The following CPNE6 variants were observed in gnomAD, a reference collection of about 807,000 sequenced individuals.
CPNE6 encodes copine-6.
CPNE6 carries 33 observed loss-of-function variants against 71.5 expected under a neutral mutation model. The observed-to-expected ratio is 0.46, with a 90% CI of 0.35 to 0.62. The LOEUF (loss-of-function observed/expected upper bound fraction) is 0.62, where lower values mean the gene tolerates loss of function less well. Ranked by LOEUF, CPNE6 falls within the 20% of genes least tolerant of loss-of-function variation. The pLI, the probability that CPNE6 is intolerant of heterozygous loss-of-function variation, is 0.00. For missense variants in CPNE6, 576 were observed against 747.3 expected (o/e 0.77, Z 2.67); for synonymous variants, 296 against 293.0 (o/e 1.01, Z -0.10).
At chr14:24,072,998 G>T (rs746048625) in exon 3 of CPNE6, 5 of 1,586,086 alleles carry the variant, frequency 3.2e-6, no homozygotes, top group African/African-American at 2.7e-5. Context: ...GGGGCCTCTC[G>T]GGTGGAGCTG....
Position 24,077,453 on chromosome 14 carries a change from C to G in CPNE6, c.1536+63C>G. 3 of 1,576,732 alleles carry G rather than the reference C, an allele frequency of 1.9e-6. No homozygotes were observed. The highest frequency in any genetic ancestry group is 2.6e-6 in the Non-Finnish European group (3 of 1,146,828). ...CAGCTTCTCATCCCCCCAAATCTGA[C>G]CTTCGTCTTCCACCATTTGATGTCC... On this transcript the variant is annotated intron_variant, in intron 16 of 17. Coordinates refer to ENST00000397016, the Ensembl canonical transcript of CPNE6. This position sits in a 1 kb window ranked among gnomAD's most constrained non-coding sequence, Gnocchi z 6.1.
At chr14:24,076,185 A>G in exon 12 of CPNE6, 1 of 1,614,006 alleles carries the variant, frequency 6.2e-7, no homozygotes, top group East Asian at 2.2e-5. Flanking sequence ...TGGGGACCCG[A>G]GGAGCAGCCA....
Position 24,073,344 on chromosome 14 carries a change from G to A in CPNE6, c.169-155G>A, listed in dbSNP as rs1052949774. ...GGACTGAGAGTCCAGTGGGCAGGCA[G>A]CACCCCAAGCTCAGGGATCAGCTTA... On this transcript the variant is annotated intron_variant, in intron 3 of 17. Coordinates refer to ENST00000397016, the Ensembl canonical transcript of CPNE6. The surrounding 1 kb of genome is among the most constrained non-coding windows in gnomAD (Gnocchi z 5.5). Among the ~76,000 whole-genome samples, 1 of 152,194 alleles carries A rather than the reference G, an allele frequency of 6.6e-6. No homozygotes were observed. The highest frequency in any genetic ancestry group is 1.5e-5 in the Non-Finnish European group (1 of 68,038).
Position 24,073,265 on chromosome 14 carries a change from G to C in CPNE6, c.168+161G>C. On this transcript the variant is annotated intron_variant, in intron 3 of 17. Coordinates refer to ENST00000397016, the Ensembl canonical transcript of CPNE6. This position sits in a 1 kb window ranked among gnomAD's most constrained non-coding sequence, Gnocchi z 5.5. ...TGGAGATGGTGTCCCAGAGGGTCCT[G>C]AGATTGACCCAGAGGCAGTGGGGTT... 1 of 932,366 alleles carries C rather than the reference G, an allele frequency of 1.1e-6. No individual in the cohort carries two copies. Among genetic ancestry groups the C allele is most frequent in the Non-Finnish European group, 1.5e-6 (1 of 661,594 alleles). The allele number at this position is 932,366 out of a possible 1,614,324, so 57.8% of individuals were successfully genotyped here.
At chr14:24,072,811 G>C in intron 2 of CPNE6, 122 bp from the exon 2 acceptor site, 1 of 895,030 alleles carries the variant, frequency 1.1e-6, no homozygotes, top group Non-Finnish European at 1.5e-6. Context: ...CAGGAGGTCC[G>C]TGAGGCCCCA....
chr14:24,074,619 G>C lies in CPNE6; in HGVS notation c.582+5G>C. 1 of 1,614,174 alleles carries C rather than the reference G, an allele frequency of 6.2e-7. No individual in the cohort carries two copies. Among genetic ancestry groups the C allele is most frequent in the East Asian group, 2.2e-5 (1 of 44,886 alleles). On this transcript the variant is annotated splice_donor_5th_base_variant and intron_variant, in intron 7 of 17. Transcript: ENST00000397016. This position sits in a 1 kb window ranked among gnomAD's most constrained non-coding sequence, Gnocchi z 4.5. ...CAGCTGGTCTGGAGAACTGAGGTTG[G>C]TGCCTGGGGCTATGGGGATGAAGGG...
Position 24,073,770 on chromosome 14 carries a change from C to A in CPNE6, c.348+92C>A. 7.3e-7 allele frequency: 1 copy of A among 1,368,504 alleles called. No individual in the cohort carries two copies. 84.8% of individuals were successfully genotyped at this position (1,368,504 alleles called of 1,614,324 possible). ...AAGAGAGAAAACATGAGCTCTAGAG[C>A]TAGTTCAACCCAGCCTTGGCTCCCA... On this transcript the variant is annotated intron_variant, in intron 4 of 17. Transcript: ENST00000397016. This position sits in a 1 kb window ranked among gnomAD's most constrained non-coding sequence, Gnocchi z 5.5.
chr14:24,077,852 G>A lies in CPNE6; in HGVS notation c.*38-36G>A. On this transcript the variant is annotated intron_variant, in intron 17 of 17. Transcript: ENST00000397016. The surrounding 1 kb of genome is among the most constrained non-coding windows in gnomAD (Gnocchi z 6.1). ...GCCCAACTAGGCTGGGTGTAGTGTA[G>A]AAGAGAGTGCTTATGACTCTCCCAC... The A allele has an allele frequency of 8.7e-7, 1 of 1,145,956 alleles. No individual in the cohort carries two copies. The highest frequency in any genetic ancestry group is 1.2e-6 in the Non-Finnish European group (1 of 854,490). The allele number at this position is 1,145,956 out of a possible 1,614,324, so 71.0% of individuals were successfully genotyped here.
Position 24,075,654 on chromosome 14 carries a change from C to A in CPNE6, c.864+63C>A. 6.9e-7 allele frequency: 1 copy of A among 1,448,850 alleles called. No individual in the cohort carries two copies. Among genetic ancestry groups the A allele is most frequent in the Non-Finnish European group, 9.6e-7 (1 of 1,046,548 alleles). 89.7% of individuals were successfully genotyped at this position (1,448,850 alleles called of 1,614,324 possible). On this transcript the variant is annotated intron_variant, in intron 10 of 17. Coordinates refer to ENST00000397016, the Ensembl canonical transcript of CPNE6. This position sits in a 1 kb window ranked among gnomAD's most constrained non-coding sequence, Gnocchi z 4.3. ...CCTGCCCCTACCACACTCTCAGGTTCAACCCTTCCCTTGTTTCAAAGACCA... is the reference window on the plus strand; with the variant it reads ...CCTGCCCCTACCACACTCTCAGGTTAAACCCTTCCCTTGTTTCAAAGACCA...
At chr14:24,072,807 G>A in intron 2 of CPNE6, 126 bp from the exon 2 acceptor site, 1 of 827,446 alleles carries the variant, frequency 1.2e-6, no homozygotes. Flanking sequence ...GAAGCAGGAG[G>A]TCCGTGAGGC....
intron 14 of CPNE6, 27 bp from the exon 14 acceptor site, chr14:24,076,852 A>G: frequency 2.5e-6 from 4 of 1,610,930 alleles, no homozygotes; most frequent in Non-Finnish European, 3.4e-6. Context: ...CATTTCTGCC[A>G]GCTTCACAAC....
chr14:24,074,484 C>T lies in CPNE6; in HGVS notation c.499-47C>T, dbSNP rs2035998338. On this transcript the variant is annotated intron_variant, in intron 6 of 17. Transcript: ENST00000397016. This position sits in a 1 kb window ranked among gnomAD's most constrained non-coding sequence, Gnocchi z 4.5. ...CAGTGGGAGCCCATCCCCCACCCTC[C>T]TTGCAGCTCTCACCAACCTCAAGGG... 6.3e-7 allele frequency: 1 copy of T among 1,598,628 alleles called. No individual in the cohort carries two copies. Among genetic ancestry groups the T allele is most frequent in the African/African-American group, 1.3e-5 (1 of 74,614 alleles).
At chr14:24,076,123 A>G in intron 11 of CPNE6, 26 bp from the exon 11 acceptor site, 1 of 1,608,806 alleles carries the variant, frequency 6.2e-7, no homozygotes, top group Non-Finnish European at 8.5e-7. Context: ...TGGTTGCAGC[A>G]TGACCTTCTT....
At position 24,074,425 on chromosome 14, in the gene CPNE6, G is replaced by A; in HGVS notation, c.498+60G>A. 1 of 1,567,250 alleles carries A rather than the reference G, an allele frequency of 6.4e-7. No individual in the cohort carries two copies. The highest frequency in any genetic ancestry group is 1.2e-5 in the South Asian group (1 of 84,638). On this transcript the variant is annotated intron_variant, in intron 6 of 17. Transcript: ENST00000397016. This position sits in a 1 kb window ranked among gnomAD's most constrained non-coding sequence, Gnocchi z 4.5. ...TGTCACTCCTAGGCCTCCCACTCAA[G>A]ACAGATCCCAGGAGCCCAGGCCTGC...
Position 24,077,241 on chromosome 14 carries a change from C to G in CPNE6, c.1387C>G (p.Pro463Ala). ...TGCTATCGTGCGTGCCTCCCGCCTG[C>G]CCATGTCCATCATCATCGTAGGCGT... Residue 463 changes from proline (P) to alanine (A), a missense_variant, in exon 16 of 18, where the codon CCC becomes GCC. Physicochemically the swap from Pro to Ala is conservative, Grantham distance 27. Coordinates refer to ENST00000397016, the Ensembl canonical transcript of CPNE6. This position sits in a 1 kb window ranked among gnomAD's most constrained non-coding sequence, Gnocchi z 6.1. 2 of 1,613,430 alleles carry G rather than the reference C, an allele frequency of 1.2e-6. No individual in the cohort carries two copies. Among genetic ancestry groups the G allele is most frequent in the Non-Finnish European group, 1.7e-6 (2 of 1,180,024 alleles).
intron 2 of CPNE6, 113 bp from the exon 2 acceptor site, chr14:24,072,820 C>G: frequency 1.0e-6 from 1 of 1,002,696 alleles, no homozygotes. Context: ...CGTGAGGCCC[C>G]AGGGTCTAGG....
exon 3 of CPNE6, chr14:24,072,994 T>C (rs771376741): frequency 1.3e-6 from 2 of 1,586,020 alleles, no homozygotes; most frequent in Non-Finnish European, 8.6e-7. Context: ...GCTGGGGGCC[T>C]CTCGGGTGGA....
In CPNE6 at chr14:24,074,054, G is replaced by A. The variant is rs1321010553; in HGVS notation, c.352G>A (p.Val118Met). 6.2e-7 allele frequency: 1 copy of A among 1,614,108 alleles called. No homozygotes were observed. Among genetic ancestry groups the A allele is most frequent in the Non-Finnish European group, 8.5e-7 (1 of 1,179,968 alleles). ...CTCCCTCCACCTCCATCCCCAGATT[G>A]TGTCACAAACCAAGGTCACTAAGCC... The change falls in exon 5 of 18, where the codon GTG (valine) becomes ATG (methionine). Residue 118 changes from valine to methionine, a missense_variant. Val to Met is a conservative substitution (Grantham distance 21). Coordinates refer to ENST00000397016, the Ensembl canonical transcript of CPNE6. This position sits in a 1 kb window ranked among gnomAD's most constrained non-coding sequence, Gnocchi z 4.5.
At position 24,075,709 on chromosome 14, in the gene CPNE6, C is replaced by G; in HGVS notation, c.864+118C>G. ...CTCTGCTTCTGGGAACTGGAAACCA[C>G]CCCCAACTGCAACCCAAAAAACTCT... On this transcript the variant is annotated intron_variant, in intron 10 of 17. Coordinates refer to ENST00000397016, the Ensembl canonical transcript of CPNE6. This position sits in a 1 kb window ranked among gnomAD's most constrained non-coding sequence, Gnocchi z 4.3. 7.4e-7 allele frequency: 1 copy of G among 1,342,410 alleles called. No individual in the cohort carries two copies. The highest frequency in any genetic ancestry group is 1.1e-6 in the Non-Finnish European group (1 of 951,734). The allele number at this position is 1,342,410 out of a possible 1,614,324, so 83.2% of individuals were successfully genotyped here. A position where few individuals can be genotyped will look rare whatever the true frequency, so the allele number is the denominator to read the frequency against.
Sources: allele counts gnomAD v4.1 joint callset (sites outside exome capture counted in the v4.1 genomes callset), GRCh38; gene constraint gnomAD v4.1.1; non-coding constraint Gnocchi (gnomAD v3.1); transcripts MANE v1.5; gene names NCBI Gene and HGNC (gene_info 2026-07-23, HGNC 2026-07-21).